Variants in GPATCH2 observed in about 807,000 individuals in gnomAD.
GPATCH2 encodes the protein G patch domain-containing protein 2.
Under a neutral mutation model 58.0 loss-of-function variants are expected in GPATCH2, and 51 were observed. The ratio of observed to expected loss-of-function variants is 0.88; its 90% CI spans 0.70 to 1.11. The LOEUF is 1.11. Among genes scored for constraint, GPATCH2 ranks in the 50% most tolerant of loss-of-function variants. GPATCH2 has a pLI of 0.00. For synonymous variants in GPATCH2, 222 were observed against 218.5 expected (o/e 1.02, Z -0.14); for missense variants, 625 against 652.2 (o/e 0.96, Z 0.45).
chr1:217,619,758 T>C (rs573122623), intron 2 of GPATCH2, 25 bp downstream of exon 2: 2 of 914,064 alleles, frequency 2.2e-6, no homozygotes, highest in South Asian at 5.3e-5. Context: ...TAAATATTTT[T>C]ATATTTAGAG....
At chr1:217,595,926 A>AAT (rs919243078) in intron 5 of GPATCH2, among the ~76,000 whole-genome samples, 2 of 152,060 alleles carry the variant, frequency 1.3e-5, no homozygotes, top group African/African-American at 4.8e-5. Flanking sequence ...TAACCTTTAA[A>AAT]ATATATATAT....
At chr1:217,578,503 C>T (rs1425815847) in intron 5 of GPATCH2, among the ~76,000 whole-genome samples, 3 of 152,154 alleles carry the variant, frequency 2.0e-5, no homozygotes, top group Non-Finnish European at 2.9e-5. Context: ...TCTCCCACCT[C>T]GGTATCCTAA....
intron 6 of GPATCH2, among the ~76,000 whole-genome samples, chr1:217,509,502 T>C (rs1404376620): frequency 3.3e-5 from 5 of 152,348 alleles, no homozygotes; most frequent in South Asian, 2.1e-4. Context: ...ATTTGTCTTA[T>C]ATCTTCTGCG....
chr1:217,479,936 A>G (rs1661142470), intron 8 of GPATCH2, among the ~76,000 whole-genome samples: 1 of 152,014 alleles, frequency 6.6e-6, no homozygotes, highest in South Asian at 2.1e-4. Context: ...GTAATGATAA[A>G]GGGGTCAATT....
chr1:217,591,273 AT>A (rs1667578052), intron 5 of GPATCH2, among the ~76,000 whole-genome samples: 1 of 152,150 alleles, frequency 6.6e-6, no homozygotes, highest in African/African-American at 2.4e-5. Flanking sequence ...ATGGACATAT[AT>A]ATATGAATTT....
At chr1:217,547,768 G>C (rs1010901042) in intron 5 of GPATCH2, among the ~76,000 whole-genome samples, 31 of 152,084 alleles carry the variant, frequency 2.0e-4, no homozygotes, top group South Asian at 2.1e-4. Flanking sequence ...TAACTGATAC[G>C]GTTTGGCTCT....
At chr1:217,433,606 G>C (rs1162251358) in intron 9 of GPATCH2, among the ~76,000 whole-genome samples, 1 of 152,006 alleles carries the variant, frequency 6.6e-6, no homozygotes, top group East Asian at 1.9e-4. Flanking sequence ...ATGTTGGCCA[G>C]GCTGGTCTTG....
chr1:217,553,947 C>G (rs879763159), intron 5 of GPATCH2, among the ~76,000 whole-genome samples: 2 of 152,154 alleles, frequency 1.3e-5, no homozygotes, highest in Non-Finnish European at 2.9e-5. Flanking sequence ...AGATACCTGC[C>G]TAAAATGATG....
chr1:217,473,862 G>T (rs750450147), intron 8 of GPATCH2, among the ~76,000 whole-genome samples: 1 of 151,960 alleles, frequency 6.6e-6, no homozygotes, highest in East Asian at 1.9e-4. Flanking sequence ...TCTACTTTAC[G>T]ATAAGGACAC....
intron 1 of GPATCH2, among the ~76,000 whole-genome samples, chr1:217,623,665 G>T (rs529634643): frequency 6.6e-6 from 1 of 152,192 alleles, no homozygotes; most frequent in East Asian, 1.9e-4. Context: ...ACTTTGGGAG[G>T]CTAAGGCGGG....
At chr1:217,598,646 T>C (rs979397245) in intron 5 of GPATCH2, among the ~76,000 whole-genome samples, 55 of 151,982 alleles carry the variant, frequency 3.6e-4, no homozygotes, top group African/African-American at 1.3e-3. Flanking sequence ...TTTGTATTTT[T>C]AGTAGAGATG....
chr1:217,478,525 A>T (rs900177921), intron 8 of GPATCH2, among the ~76,000 whole-genome samples: 4 of 152,210 alleles, frequency 2.6e-5, no homozygotes, highest in African/African-American at 9.6e-5. Flanking sequence ...TAAAAGCAGA[A>T]TAGATCAAGC....
At chr1:217,512,821 C>T (rs1049444834) in intron 6 of GPATCH2, among the ~76,000 whole-genome samples, 5 of 152,194 alleles carry the variant, frequency 3.3e-5, no homozygotes, top group Admixed American at 1.3e-4. Flanking sequence ...TAAAACTGTG[C>T]AGTACCCTGT....
chr1:217,526,929 T>C (rs1248105949), intron 5 of GPATCH2, among the ~76,000 whole-genome samples: 1 of 152,222 alleles, frequency 6.6e-6, no homozygotes, highest in Non-Finnish European at 1.5e-5. Flanking sequence ...AGGTTGTGTG[T>C]TCCTTATGAG....
At chr1:217,492,557 A>T in intron 7 of GPATCH2, 1 of 152,218 alleles carries the variant, frequency 6.6e-6, no homozygotes, top group East Asian at 1.9e-4. Flanking sequence ...TGGAAATAAT[A>T]ATACAGGATA....
intron 9 of GPATCH2, among the ~76,000 whole-genome samples, chr1:217,435,995 C>T (rs999813987): frequency 6.6e-5 from 10 of 152,040 alleles, no homozygotes; most frequent in Non-Finnish European, 1.3e-4. Context: ...GATGCACTGA[C>T]ATTTAAATAA....
chr1:217,493,224 A>G (rs1003714151), intron 7 of GPATCH2, among the ~76,000 whole-genome samples: 1 of 152,178 alleles, frequency 6.6e-6, no homozygotes, highest in Admixed American at 6.5e-5. Context: ...GCTTTCTAAA[A>G]TTAATCTAAT....
chr1:217,505,027 G>A (rs982450732), intron 6 of GPATCH2, among the ~76,000 whole-genome samples: 1 of 152,172 alleles, frequency 6.6e-6, no homozygotes, highest in Non-Finnish European at 1.5e-5. Flanking sequence ...TTCCACACGG[G>A]CTTCATGGAG....
intron 1 of GPATCH2, among the ~76,000 whole-genome samples, chr1:217,626,985 G>GA (rs139150734): frequency 0.038 from 5,452 of 145,240 alleles, 314 homozygotes; most frequent in African/African-American, 0.13. Flanking sequence ...ATTCTCTAGG[G>GA]AAAAAAAAAA....
Sources: allele counts gnomAD v4.1 joint callset (sites outside exome capture counted in the v4.1 genomes callset), GRCh38; gene constraint gnomAD v4.1.1; transcripts MANE v1.5; gene names NCBI Gene and HGNC (gene_info 2026-07-23, HGNC 2026-07-21).